The following COL6A6 variants were observed in gnomAD, a reference collection of about 807,000 sequenced individuals.
COL6A6 encodes the protein collagen type VI alpha 6 chain.
COL6A6 carries 183 observed loss-of-function variants against 208.6 expected under a neutral mutation model. The ratio of observed to expected loss-of-function variants is 0.88; its 90% confidence interval spans 0.78 to 0.99. COL6A6 has a LOEUF of 0.99. Ranked by LOEUF, COL6A6 falls within the 50% of genes least tolerant of loss-of-function variation. COL6A6 has a pLI of 0.00. For synonymous variants in COL6A6, 973 were observed against 1,011.8 expected, an observed-to-expected ratio of 0.96 and a Z score of 0.73; for missense variants, 2,816 against 2,815.2, an observed-to-expected ratio of 1.00 and a Z score of -0.01.
In COL6A6 at chr3:130,608,609, T is replaced by C. The variant is rs143956871; in HGVS notation, c.4690-293T>C. On this transcript the variant is annotated intron_variant, in intron 21 of 36. Coordinates refer to ENST00000358511, the MANE Select transcript of COL6A6 (RefSeq NM_001102608.3). ...TAAGGCCACATAGCTAAGTTAGATA[T>C]AATACAAATTTTATAAGAAAGGGGT... Among the ~76,000 whole-genome samples, 1,135 of 152,128 alleles carry C rather than the reference T, an allele frequency of 7.5e-3. 13 individuals carry two copies. Among genetic ancestry groups the C allele is most frequent in the Non-Finnish European group, 0.011 (739 of 67,998 alleles).
chr3:130,526,453 T>G (rs530806643), intron 1 of COL6A6, among the ~76,000 whole-genome samples: 81 of 152,280 alleles, frequency 5.3e-4, no homozygotes, highest in African/African-American at 1.9e-3. Context: ...GAATTTAGCC[T>G]AAGTGTGATG....
chr3:130,658,818 T>A (rs746608727), intron 34 of COL6A6, 46 bp downstream of exon 34: 13 of 1,383,788 alleles, frequency 9.4e-6, no homozygotes, highest in Middle Eastern at 1.8e-4. Context: ...CTATTAAGCA[T>A]GATGAGTCAC....
chr3:130,563,647 A>G lies in COL6A6; in HGVS notation c.644A>G (p.Asp215Gly). The G allele has an allele frequency of 6.2e-7, 1 of 1,610,446 alleles. No individual in the cohort carries two copies. Among genetic ancestry groups the G allele is most frequent in the Non-Finnish European group, 8.5e-7 (1 of 1,177,030 alleles). ...DVIKYKEGAV[D>G]DIFVEACQGP... ...ATAAAGTACAAGGAGGGAGCAGTTG[A>G]TGACATCTTTGTAGAAGGTGGGCTT... Residue 215 changes from aspartate (D) to glycine (G), a missense_variant, in exon 3 of 37, where the codon GAT (aspartate) becomes GGT (glycine). Physicochemically the swap from Asp to Gly is moderately conservative, Grantham distance 94. Coordinates refer to ENST00000358511, the MANE Select transcript of COL6A6 (RefSeq NM_001102608.3).
At chr3:130,580,575 C>T (rs937669765) in intron 8 of COL6A6, among the ~76,000 whole-genome samples, 4 of 152,146 alleles carry the variant, frequency 2.6e-5, no homozygotes, top group African/African-American at 9.7e-5. Context: ...CATTGCTGAT[C>T]TAAGCAAACC....
At chr3:130,608,518 T>G (rs906090977) in intron 21 of COL6A6, among the ~76,000 whole-genome samples, 1 of 152,112 alleles carries the variant, frequency 6.6e-6, no homozygotes, top group Non-Finnish European at 1.5e-5. Flanking sequence ...AATATAAATA[T>G]TAATATAATC....
At chr3:130,597,194 T>G (rs1180547352) in intron 18 of COL6A6, among the ~76,000 whole-genome samples, 1 of 152,206 alleles carries the variant, frequency 6.6e-6, no homozygotes, top group Admixed American at 6.5e-5. Context: ...AAATACAATT[T>G]TCTGATATTG....
chr3:130,668,211 T>G (rs2066124075), intron 36 of COL6A6, among the ~76,000 whole-genome samples: 1 of 152,024 alleles, frequency 6.6e-6, no homozygotes, highest in Admixed American at 6.6e-5. Flanking sequence ...GCGCGGTGGC[T>G]CATGCCTATA....
chr3:130,562,529 T>A (rs9834094), intron 2 of COL6A6, among the ~76,000 whole-genome samples: 99,933 of 152,126 alleles, frequency 0.66, 38,149 homozygotes, highest in Non-Finnish European at 0.85. Context: ...TTAATGTGAC[T>A]GTTTGGAATG....
intron 1 of COL6A6, among the ~76,000 whole-genome samples, chr3:130,541,165 C>G (rs2062353956): frequency 6.6e-6 from 1 of 152,208 alleles, no homozygotes; most frequent in Admixed American, 6.5e-5. Context: ...TGAACAGACA[C>G]TTCTCAAAAG....
intron 24 of COL6A6, among the ~76,000 whole-genome samples, chr3:130,622,114 G>A (rs1039531037): frequency 2.0e-5 from 3 of 152,074 alleles, no homozygotes; most frequent in Non-Finnish European, 4.4e-5. Context: ...ACACCCTATT[G>A]GAGCTGAGGG....
Position 130,566,701 on chromosome 3 carries a change from G to A in COL6A6, c.1283-1G>A. 1 of 1,591,744 alleles carries A rather than the reference G, an allele frequency of 6.3e-7. No homozygotes were observed. The highest frequency in any genetic ancestry group is 8.6e-7 in the Non-Finnish European group (1 of 1,168,592). On this transcript the variant is annotated splice_acceptor_variant, in intron 4 of 36. Coordinates refer to ENST00000358511, the MANE Select transcript of COL6A6 (RefSeq NM_001102608.3). LOFTEE classifies it high-confidence loss of function. The stretch of plus-strand genomic sequence containing the variant: ...CATGCAACTTATTGATTCCTTTTTA[G>A]GTTGTGTGGACACTGAGGAAGCAGA...
At chr3:130,595,133 G>C (rs1469574128) in intron 18 of COL6A6, among the ~76,000 whole-genome samples, 4 of 151,966 alleles carry the variant, frequency 2.6e-5, no homozygotes, top group Non-Finnish European at 4.4e-5. Context: ...ATGACATAAA[G>C]GCACTGCCCT....
At chr3:130,562,985 C>T in intron 2 of COL6A6, 83 bp from the exon 3 acceptor site, 1 of 986,952 alleles carries the variant, frequency 1.0e-6, no homozygotes, top group Non-Finnish European at 1.5e-6. Context: ...AAGGAAAGTA[C>T]TTCCCCGCCA....
chr3:130,636,128 T>G (rs1399325627), intron 28 of COL6A6, among the ~76,000 whole-genome samples: 1 of 152,254 alleles, frequency 6.6e-6, no homozygotes, highest in Non-Finnish European at 1.5e-5. Flanking sequence ...CCCACTGGCA[T>G]CTTGTCTTCA....
chr3:130,573,274 T>C (rs76167240), intron 7 of COL6A6, among the ~76,000 whole-genome samples: 3,342 of 152,316 alleles, frequency 0.022, 139 homozygotes, highest in African/African-American at 0.077. Flanking sequence ...TTGTTTTCTC[T>C]TGGTGTGCTA....
At chr3:130,593,024 G>C (rs530965956) in intron 15 of COL6A6, 37 bp from the exon 16 acceptor site, 1 of 1,584,194 alleles carries the variant, frequency 6.3e-7, no homozygotes, top group African/African-American at 1.3e-5. Flanking sequence ...ACACATGCAC[G>C]TGATGTACTC....
At chr3:130,542,770 G>C (rs1315339495) in intron 1 of COL6A6, among the ~76,000 whole-genome samples, 2 of 152,076 alleles carry the variant, frequency 1.3e-5, no homozygotes, top group African/African-American at 4.8e-5. Flanking sequence ...TTTGTCATTA[G>C]GTAGTGTCAT....
chr3:130,563,992 C>A (rs1439154729), intron 3 of COL6A6, among the ~76,000 whole-genome samples: 2 of 152,168 alleles, frequency 1.3e-5, no homozygotes, highest in Non-Finnish European at 2.9e-5. Flanking sequence ...AGTACTGGTT[C>A]ATTGAAAAGG....
chr3:130,627,163 A>G (rs1252604039), intron 25 of COL6A6, among the ~76,000 whole-genome samples, 156 bp from the exon 26 acceptor site: 1 of 152,182 alleles, frequency 6.6e-6, no homozygotes, highest in Non-Finnish European at 1.5e-5. Context: ...CTTTAGTACT[A>G]CTATCATAAA....
Sources: allele counts gnomAD v4.1 joint callset (sites outside exome capture counted in the v4.1 genomes callset), GRCh38; gene constraint gnomAD v4.1.1; transcripts MANE v1.5; gene names NCBI Gene and HGNC (gene_info 2026-07-23, HGNC 2026-07-21).